ESR1: variants seen among roughly 807,000 people sequenced by gnomAD.
The protein encoded by ESR1 is estrogen receptor 1.
A neutral mutation model predicts 52.7 loss-of-function variants in ESR1; 12 were observed. The observed-to-expected ratio is 0.23, with a 90% CI of 0.15 to 0.37. The LOEUF is 0.37. ESR1 is among the 10% of genes least tolerant of loss of function. ESR1 has a pLI of 1.00. For synonymous variants in ESR1, 305 were observed against 316.8 expected, an observed-to-expected ratio of 0.96 and a Z score of 0.39; for missense variants, 584 against 779.7, an observed-to-expected ratio of 0.75 and a Z score of 2.99.
intron 6 of ESR1, among the ~76,000 whole-genome samples, chr6:152,062,750 G>A (rs551025839): frequency 6.6e-6 from 1 of 152,218 alleles, no homozygotes; most frequent in African/African-American, 2.4e-5. Flanking sequence ...GAGAAGGCAG[G>A]CCTATTAAGT....
intron 2 of ESR1, among the ~76,000 whole-genome samples, chr6:151,789,816 G>A (rs1787355743): frequency 6.6e-6 from 1 of 152,216 alleles, no homozygotes; most frequent in Non-Finnish European, 1.5e-5. Context: ...TGTAATGGAG[G>A]AAGATGGTTT....
At chr6:152,028,746 G>A (rs1411968154) in intron 5 of ESR1, among the ~76,000 whole-genome samples, 1 of 152,244 alleles carries the variant, frequency 6.6e-6, no homozygotes, top group Admixed American at 6.5e-5. Context: ...GAAGGCAGCA[G>A]AAACCTCTGC....
chr6:151,920,189 G>T (rs892241073), intron 3 of ESR1, among the ~76,000 whole-genome samples: 4 of 152,166 alleles, frequency 2.6e-5, no homozygotes, highest in African/African-American at 9.6e-5. Flanking sequence ...TGATTCAGCT[G>T]TGCGCCATCA....
chr6:151,960,133 A>G (rs1343364726), intron 4 of ESR1, among the ~76,000 whole-genome samples: 2 of 152,134 alleles, frequency 1.3e-5, no homozygotes, highest in Non-Finnish European at 2.9e-5. Context: ...TAATGTGCCC[A>G]TAGTCTGGTT....
chr6:151,808,423 G>T, intron 1 of ESR1, 59 bp downstream of exon 1: 1 of 1,100,492 alleles, frequency 9.1e-7, no homozygotes. Flanking sequence ...AGGGAGGGAG[G>T]GAGGGAGGGA....
At chr6:151,941,080 A>C (rs2035000365) in intron 3 of ESR1, among the ~76,000 whole-genome samples, 1 of 152,238 alleles carries the variant, frequency 6.6e-6, no homozygotes. Context: ...AAGATAAATT[A>C]CATTCATGAA....
chr6:151,724,587 T>TACAC (rs67896661), intron 2 of ESR1, among the ~76,000 whole-genome samples: 31 of 149,814 alleles, frequency 2.1e-4, no homozygotes, highest in East Asian at 7.9e-4. Flanking sequence ...CACACACACA[T>TACAC]ACACACACAC....
At chr6:151,910,617 C>T (rs1798118405) in intron 3 of ESR1, among the ~76,000 whole-genome samples, 1 of 152,126 alleles carries the variant, frequency 6.6e-6, no homozygotes, top group Non-Finnish European at 1.5e-5. Context: ...CAGTATCTGT[C>T]TCAAGCTGTA....
rs2050927760 is a variant in ESR1, at chr6:152,100,468, C to T, written c.*1502C>T. 8.0e-6 allele frequency: 2 copies of T among 248,952 alleles called. No individual in the cohort carries two copies. Among genetic ancestry groups the T allele is most frequent in the Non-Finnish European group, 1.5e-5 (2 of 129,404 alleles). The allele number at this position is 248,952 out of a possible 1,614,324, so 15.4% of individuals were successfully genotyped here. ...CTGCCAGCTCATTTCCTTCAATTTC[C>T]TTTGACCTATAGGCTAAAAAAGAAA... On this transcript the variant is annotated 3_prime_UTR_variant, in exon 8 of 8. Coordinates refer to ENST00000206249, the MANE Select transcript of ESR1 (RefSeq NM_000125.4).
intron 3 of ESR1, among the ~76,000 whole-genome samples, chr6:151,923,356 T>C (rs2032067652): frequency 6.6e-6 from 1 of 152,208 alleles, no homozygotes. Context: ...TTTATGGATT[T>C]TGACAAGTAT....
At chr6:151,802,058 T>C (rs1562417774), upstream of ESR1, among the ~76,000 whole-genome samples, 1 of 152,246 alleles carries the variant, frequency 6.6e-6, no homozygotes, top group Non-Finnish European at 1.5e-5. Flanking sequence ...AAATACTCTA[T>C]ACTTTCATTG....
chr6:152,016,577 G>T (rs2043188509), intron 5 of ESR1, among the ~76,000 whole-genome samples: 2 of 152,152 alleles, frequency 1.3e-5, no homozygotes. Flanking sequence ...ACTTGTAGAA[G>T]ATGGCTTCTG....
chr6:152,003,168 G>T (rs2128749830), intron 4 of ESR1, among the ~76,000 whole-genome samples: 1 of 151,922 alleles, frequency 6.6e-6, no homozygotes, highest in Middle Eastern at 3.4e-3. Flanking sequence ...TTCTCTAAGG[G>T]ACATTATTTT....
At chr6:151,745,100 A>G (rs1783388930) in intron 2 of ESR1, among the ~76,000 whole-genome samples, 2 of 152,196 alleles carry the variant, frequency 1.3e-5, no homozygotes, top group African/African-American at 4.8e-5. Flanking sequence ...AGATATGATT[A>G]TGTCCTTTCC....
intron 2 of ESR1, among the ~76,000 whole-genome samples, chr6:151,850,023 C>A (rs199666508): frequency 0.052 from 2,148 of 40,922 alleles, 103 homozygotes; most frequent in Non-Finnish European, 0.082. Context: ...TATATATATA[C>A]AAAATTATAT....
intron 5 of ESR1, among the ~76,000 whole-genome samples, chr6:152,046,616 G>T (rs1424832331): frequency 2.6e-5 from 4 of 152,184 alleles, no homozygotes; most frequent in African/African-American, 9.7e-5. Context: ...CATAGTAAAA[G>T]AAGACAAAAT....
chr6:151,853,580 A>T (rs1334442730), intron 2 of ESR1, among the ~76,000 whole-genome samples: 1 of 152,184 alleles, frequency 6.6e-6, no homozygotes, highest in Non-Finnish European at 1.5e-5. Flanking sequence ...CTGACAAATA[A>T]AATCAGTATA....
intron 5 of ESR1, among the ~76,000 whole-genome samples, chr6:152,052,717 A>G (rs1418856352): frequency 6.6e-6 from 1 of 152,088 alleles, no homozygotes; most frequent in Non-Finnish European, 1.5e-5. Context: ...CCCTGGACCC[A>G]ATCTGTGCCT....
chr6:151,684,094 A>C (rs75134544), intron 1 of ESR1, among the ~76,000 whole-genome samples: 2,971 of 152,086 alleles, frequency 0.02, 52 homozygotes, highest in Non-Finnish European at 0.026. Flanking sequence ...GGCACAGAGG[A>C]GATGCTTCAG....
Sources: allele counts gnomAD v4.1 joint callset (sites outside exome capture counted in the v4.1 genomes callset), GRCh38; gene constraint gnomAD v4.1.1; transcripts MANE v1.5; gene names NCBI Gene and HGNC (gene_info 2026-07-23, HGNC 2026-07-21).